PITPNC1: variants seen among roughly 807,000 people sequenced by gnomAD.
The protein encoded by PITPNC1 is cytoplasmic phosphatidylinositol transfer protein 1.
Under a neutral mutation model 44.7 loss-of-function variants are expected in PITPNC1, and 18 were observed. The ratio of observed to expected loss-of-function variants is 0.40; its 90% CI spans 0.28 to 0.60. The LOEUF is 0.60. PITPNC1 is among the 20% of genes least tolerant of loss of function. The pLI is 0.39. For synonymous variants in PITPNC1, 141 were observed against 149.6 expected (o/e 0.94, Z 0.42); for missense variants, 290 against 418.4 (o/e 0.69, Z 2.68).
chr17:67,542,182 CT>C, intron 2 of PITPNC1, among the ~76,000 whole-genome samples: 1 of 152,276 alleles, frequency 6.6e-6, no homozygotes, highest in South Asian at 2.1e-4. Context: ...TTTAGTTATG[CT>C]TGCACCATTC....
chr17:67,682,817 GCTGA>G (rs2042735683), intron 8 of PITPNC1, among the ~76,000 whole-genome samples: 2 of 152,154 alleles, frequency 1.3e-5, no homozygotes, highest in Non-Finnish European at 1.5e-5. Flanking sequence ...TAAGTGAAGG[GCTGA>G]CTGTTTACCA....
At chr17:67,478,056 G>A (rs1161281967) in intron 1 of PITPNC1, among the ~76,000 whole-genome samples, 1 of 152,136 alleles carries the variant, frequency 6.6e-6, no homozygotes, top group Non-Finnish European at 1.5e-5. Context: ...CTCTAGCTCA[G>A]ACACTCTGCT....
At chr17:67,435,838 C>T (rs914651394) in intron 1 of PITPNC1, among the ~76,000 whole-genome samples, 5 of 151,958 alleles carry the variant, frequency 3.3e-5, no homozygotes, top group East Asian at 1.9e-4. Flanking sequence ...GACAACAGAG[C>T]GGGACTTTGT....
At chr17:67,555,721 A>G (rs952695285) in intron 4 of PITPNC1, among the ~76,000 whole-genome samples, 5 of 151,316 alleles carry the variant, frequency 3.3e-5, no homozygotes, top group Non-Finnish European at 7.4e-5. Flanking sequence ...GCGGGCGCCT[A>G]TAATCCCAGC....
intron 1 of PITPNC1, among the ~76,000 whole-genome samples, chr17:67,447,115 A>T (rs902673424): frequency 5.4e-5 from 8 of 149,096 alleles, no homozygotes; most frequent in African/African-American, 2.0e-4. Context: ...AAAAAAAAAA[A>T]AGAATGACCC....
chr17:67,396,792 C>T (rs1305974752), intron 1 of PITPNC1, among the ~76,000 whole-genome samples: 1 of 151,790 alleles, frequency 6.6e-6, no homozygotes, highest in Non-Finnish European at 1.5e-5. Flanking sequence ...ATAGCTGGGA[C>T]CACAGGTGTG....
intron 1 of PITPNC1, among the ~76,000 whole-genome samples, chr17:67,484,300 T>C (rs1004558533): frequency 1.3e-5 from 2 of 152,308 alleles, no homozygotes; most frequent in Non-Finnish European, 2.9e-5. Context: ...TGTTGGTTCC[T>C]ACTCTCTAAC....
intron 8 of PITPNC1, among the ~76,000 whole-genome samples, chr17:67,678,953 A>G (rs576009153): frequency 1.1e-4 from 16 of 152,252 alleles, no homozygotes; most frequent in Non-Finnish European, 2.2e-4. Flanking sequence ...TGGACCTGCA[A>G]CGTCAGCATC....
At chr17:67,486,729 G>A (rs891255030) in intron 1 of PITPNC1, among the ~76,000 whole-genome samples, 1 of 152,154 alleles carries the variant, frequency 6.6e-6, no homozygotes, top group Non-Finnish European at 1.5e-5. Context: ...TGCATTTAGG[G>A]CGGTGAGAGC....
intron 8 of PITPNC1, among the ~76,000 whole-genome samples, chr17:67,679,717 AG>A (rs1894955463): frequency 6.6e-6 from 1 of 152,150 alleles, no homozygotes; most frequent in Admixed American, 6.6e-5. Context: ...GGAGGAGTTG[AG>A]TGTGTCTTTC....
chr17:67,459,848 A>G (rs1014711891), intron 1 of PITPNC1: 1 of 152,156 alleles, frequency 6.6e-6, no homozygotes, highest in African/African-American at 2.4e-5. Context: ...TTTATTTCCA[A>G]CCCATGGTAA....
chr17:67,575,843 T>C (rs866531497), intron 4 of PITPNC1, among the ~76,000 whole-genome samples: 3,205 of 95,448 alleles, frequency 0.034, 235 homozygotes, highest in African/African-American at 0.12. Context: ...TCCTTCCTTC[T>C]TTCTTTCTTT....
chr17:67,610,919 CA>C (rs35933545), intron 5 of PITPNC1, among the ~76,000 whole-genome samples: 16,718 of 81,200 alleles, frequency 0.21, 741 homozygotes, highest in African/African-American at 0.25. Context: ...GACTCTGTCT[CA>C]AAAAAAAAAA....
At chr17:67,458,889 G>A (rs2039292990) in intron 1 of PITPNC1, among the ~76,000 whole-genome samples, 1 of 151,974 alleles carries the variant, frequency 6.6e-6, no homozygotes, top group African/African-American at 2.4e-5. Flanking sequence ...CAATATTTCT[G>A]TTAATTTCTT....
chr17:67,655,662 G>A (rs1461235853), intron 6 of PITPNC1, among the ~76,000 whole-genome samples: 1 of 151,770 alleles, frequency 6.6e-6, no homozygotes, highest in Non-Finnish European at 1.5e-5. Context: ...GGTTGGGTTC[G>A]GTGGTTCACA....
chr17:67,404,427 T>C (rs575823497), intron 1 of PITPNC1, among the ~76,000 whole-genome samples: 2 of 152,358 alleles, frequency 1.3e-5, no homozygotes, highest in East Asian at 1.9e-4. Context: ...ACAGGCACTT[T>C]AAGATGTCAT....
rs1360084747 is a variant in PITPNC1 at position 67,377,891 on chromosome 17, CCCTGACTT to C, written c.-263_-256del. The C allele has an allele frequency of 2.0e-5, 8 of 396,208 alleles. No individual in the cohort carries two copies. Among genetic ancestry groups the C allele is most frequent in the Non-Finnish European group, 3.6e-5 (8 of 225,238 alleles). The allele number at this position is 396,208 out of a possible 1,614,324, so 24.5% of individuals were successfully genotyped here. Reference sequence around the variant, plus strand: ...CCCCAGCGGGTCTCCCTCCCTGCCTCCCTGACTTTGCAACACCGCGTTCCGGGAGGACC... The same window carrying C: ...CCCCAGCGGGTCTCCCTCCCTGCCTCTGCAACACCGCGTTCCGGGAGGACC... On this transcript the variant is annotated 5_prime_UTR_variant, in exon 1 of 9. Transcript: ENST00000581322.
chr17:67,565,142 G>A (rs1328949697), intron 4 of PITPNC1, among the ~76,000 whole-genome samples: 1 of 151,332 alleles, frequency 6.6e-6, no homozygotes, highest in Non-Finnish European at 1.5e-5. Context: ...ATTTTTCAGT[G>A]TGTATACTCA....
intron 1 of PITPNC1, among the ~76,000 whole-genome samples, chr17:67,495,959 T>A (rs1403494658): frequency 1.3e-5 from 2 of 152,252 alleles, no homozygotes; most frequent in Non-Finnish European, 2.9e-5. Flanking sequence ...AGAAATGCCA[T>A]TGGATGTAGG....
Sources: allele counts gnomAD v4.1 joint callset (sites outside exome capture counted in the v4.1 genomes callset), GRCh38; gene constraint gnomAD v4.1.1; transcripts MANE v1.5; gene names NCBI Gene and HGNC (gene_info 2026-07-23, HGNC 2026-07-21).